Variants in PDE1C observed in about 807,000 individuals in gnomAD.
The protein encoded by PDE1C is dual specificity calcium/calmodulin-dependent 3',5'-cyclic nucleotide phosphodiesterase 1C.
Under a neutral mutation model 93.1 loss-of-function variants are expected in PDE1C, and 62 were observed. That is an observed-to-expected ratio of 0.67 (90% CI 0.54 to 0.82). The LOEUF is 0.82. Among genes scored for constraint, PDE1C ranks in the 40% least tolerant of loss-of-function variants. The pLI is 0.00. For missense variants in PDE1C, 742 were observed against 884.6 expected (o/e 0.84, Z 2.04); for synonymous variants, 325 against 310.1 (o/e 1.05, Z -0.50).
At chr7:32,063,962 G>A (rs1795093949) in intron 1 of PDE1C, among the ~76,000 whole-genome samples, 1 of 152,118 alleles carries the variant, frequency 6.6e-6, no homozygotes, top group Non-Finnish European at 1.5e-5. Context: ...GAAGCTCCTA[G>A]CACCTAGTAC....
intron 2 of PDE1C, among the ~76,000 whole-genome samples, chr7:32,038,397 C>T (rs1344713384): frequency 6.6e-6 from 1 of 152,112 alleles, no homozygotes; most frequent in Non-Finnish European, 1.5e-5. Context: ...TGAAGGAAGA[C>T]ATTCTGTGGC....
chr7:32,402,019 C>T (rs889708735), intron 1 of PDE1C, among the ~76,000 whole-genome samples: 1 of 152,126 alleles, frequency 6.6e-6, no homozygotes, highest in African/African-American at 2.4e-5. Flanking sequence ...CTTTTATATA[C>T]ATGATCTATT....
intron 9 of PDE1C, among the ~76,000 whole-genome samples, chr7:31,843,779 A>G (rs1792207652): frequency 6.6e-6 from 1 of 151,362 alleles, no homozygotes; most frequent in Admixed American, 6.6e-5. Context: ...TTTCTGCTTG[A>G]GATATTTTTT....
intron 3 of PDE1C, among the ~76,000 whole-genome samples, chr7:32,147,269 A>AG (rs1800909208): frequency 2.4e-5 from 1 of 41,280 alleles, no homozygotes; most frequent in Non-Finnish European, 5.1e-5. Flanking sequence ...AGAAAGAAAG[A>AG]AAAAAAGAAA....
At chr7:32,291,558 G>A (rs1157783577) in intron 1 of PDE1C, among the ~76,000 whole-genome samples, 18 of 152,338 alleles carry the variant, frequency 1.2e-4, no homozygotes, top group Non-Finnish European at 1.5e-5. Context: ...GTCCTTTCTT[G>A]AGTTTAGCTC....
intron 1 of PDE1C, among the ~76,000 whole-genome samples, chr7:32,427,411 C>A (rs1221907844): frequency 6.6e-6 from 1 of 152,214 alleles, no homozygotes; most frequent in East Asian, 1.9e-4. Context: ...CTTCCCCCAA[C>A]TGCACACCTC....
At chr7:32,097,365 G>A (rs1212732131) in intron 3 of PDE1C, among the ~76,000 whole-genome samples, 1 of 152,126 alleles carries the variant, frequency 6.6e-6, no homozygotes, top group African/African-American at 2.4e-5. Flanking sequence ...TGGGATTTGG[G>A]GCTGTCAGAA....
intron 1 of PDE1C, among the ~76,000 whole-genome samples, chr7:32,321,733 C>T (rs1026584894): frequency 3.3e-5 from 5 of 152,206 alleles, no homozygotes; most frequent in African/African-American, 4.8e-5. Flanking sequence ...TCTATACTTA[C>T]CAACTGGCAT....
intron 1 of PDE1C, among the ~76,000 whole-genome samples, chr7:32,281,899 A>C (rs1811657039): frequency 1.3e-5 from 2 of 152,296 alleles, no homozygotes; most frequent in South Asian, 4.1e-4. Flanking sequence ...GGAAACCATC[A>C]TTCTGAGCAA....
intron 2 of PDE1C, among the ~76,000 whole-genome samples, chr7:31,972,623 C>T (rs1811107452): frequency 1.3e-5 from 2 of 152,096 alleles, no homozygotes; most frequent in African/African-American, 4.8e-5. Flanking sequence ...CTAAGTATGA[C>T]CCCAAACCCT....
At chr7:31,831,333 A>G (rs955026827) in intron 11 of PDE1C, among the ~76,000 whole-genome samples, 2 of 152,178 alleles carry the variant, frequency 1.3e-5, no homozygotes, top group African/African-American at 2.4e-5. Context: ...CCTAGGAAAA[A>G]TCTGTAATCT....
intron 17 of PDE1C, among the ~76,000 whole-genome samples, chr7:31,763,035 T>G (rs1452135672): frequency 6.6e-6 from 1 of 151,936 alleles, no homozygotes; most frequent in African/African-American, 2.4e-5. Context: ...CCCCCAGGAG[T>G]CTCTGAAGTA....
At chr7:32,080,823 C>T (rs1796621494) in intron 3 of PDE1C, among the ~76,000 whole-genome samples, 1 of 152,168 alleles carries the variant, frequency 6.6e-6, no homozygotes, top group African/African-American at 2.4e-5. Flanking sequence ...GCCTTCCACC[C>T]ACATGCTTTT....
chr7:32,424,359 C>T (rs1040743583), intron 1 of PDE1C, among the ~76,000 whole-genome samples: 1 of 152,202 alleles, frequency 6.6e-6, no homozygotes, highest in Non-Finnish European at 1.5e-5. Flanking sequence ...CTTTAATTAC[C>T]ATCCCAGTAA....
At chr7:32,192,224 C>T (rs1804282604) in intron 2 of PDE1C, among the ~76,000 whole-genome samples, 1 of 152,118 alleles carries the variant, frequency 6.6e-6, no homozygotes, top group Non-Finnish European at 1.5e-5. Context: ...TGATGAAGCC[C>T]AATTTATCAA....
the PDE1C span, among the ~76,000 whole-genome samples, chr7:31,706,498 T>C: frequency 8.7e-3 from 1,318 of 152,262 alleles, 10 homozygotes; most frequent in Non-Finnish European, 0.013. Flanking sequence ...GGCATACAGT[T>C]GTATGAAAAG....
intron 2 of PDE1C, among the ~76,000 whole-genome samples, chr7:31,944,892 TTAATTTTAGAA>T (rs1463260472): frequency 6.6e-6 from 1 of 152,182 alleles, no homozygotes; most frequent in African/African-American, 2.4e-5. Flanking sequence ...GAAGAAACTT[TTAATTTTAGAA>T]TAATTTTAGA....
At chr7:32,263,257 C>T (rs960524835) in intron 1 of PDE1C, among the ~76,000 whole-genome samples, 2 of 152,172 alleles carry the variant, frequency 1.3e-5, no homozygotes, top group Non-Finnish European at 2.9e-5. Context: ...TCCATATACA[C>T]TTTACGCAGA....
At chr7:32,358,881 T>TTGTGTGTGTGTG (rs66808716) in intron 1 of PDE1C, among the ~76,000 whole-genome samples, 1 of 147,568 alleles carries the variant, frequency 6.8e-6, no homozygotes, top group Non-Finnish European at 1.5e-5. Flanking sequence ...TCATCTAACA[T>TTGTGTGTGTGTG]TGTGTGTGTG....
Sources: allele counts gnomAD v4.1 joint callset (sites outside exome capture counted in the v4.1 genomes callset), GRCh38; gene constraint gnomAD v4.1.1; transcripts MANE v1.5; gene names NCBI Gene and HGNC (gene_info 2026-07-23, HGNC 2026-07-21).